Variants in LPP observed in about 807,000 individuals in gnomAD.
The protein encoded by LPP is lipoma-preferred partner.
A neutral mutation model predicts 60.4 loss-of-function variants in LPP; 38 were observed. The observed-to-expected ratio is 0.63, with a 90% CI of 0.49 to 0.83. LPP has a LOEUF of 0.83. Ranked by LOEUF, LPP falls within the 40% of genes least tolerant of loss-of-function variation. LPP has a pLI of 0.00. For missense variants in LPP, 902 were observed against 783.6 expected, an observed-to-expected ratio of 1.15 and a Z score of -1.80; for synonymous variants, 328 against 290.8, an observed-to-expected ratio of 1.13 and a Z score of -1.30.
At chr3:188,511,157 C>T (rs1434520136) in intron 5 of LPP, among the ~76,000 whole-genome samples, 1 of 130,752 alleles carries the variant, frequency 7.6e-6, no homozygotes, top group Non-Finnish European at 1.6e-5. Context: ...ACCTGCCTCC[C>T]TCCCTCCCTC....
chr3:188,742,502 T>C (rs1031380840), intron 8 of LPP, among the ~76,000 whole-genome samples: 2 of 151,870 alleles, frequency 1.3e-5, no homozygotes, highest in African/African-American at 4.8e-5. Context: ...ATGAAAAAAA[T>C]CTTAAAAATA....
chr3:188,560,831 A>C (rs1389866484), intron 6 of LPP, among the ~76,000 whole-genome samples: 1 of 152,076 alleles, frequency 6.6e-6, no homozygotes, highest in African/African-American at 2.4e-5. Flanking sequence ...AATATCTGGG[A>C]GTTTACAAAG....
intron 2 of LPP, among the ~76,000 whole-genome samples, chr3:188,248,495 T>TATATATATATATATATATAC (rs1358563921): frequency 2.2e-5 from 3 of 138,590 alleles, no homozygotes; most frequent in African/African-American, 8.6e-5. Flanking sequence ...TATATATATA[T>TATATATATATATATATATAC]ATACAGTCAG....
chr3:188,788,658 G>T (rs1364383680), intron 9 of LPP, among the ~76,000 whole-genome samples: 1 of 152,112 alleles, frequency 6.6e-6, no homozygotes, highest in East Asian at 1.9e-4. Flanking sequence ...TGACTCTGGG[G>T]CTGTACTGAG....
At chr3:188,649,433 C>G (rs1488592529) in intron 7 of LPP, among the ~76,000 whole-genome samples, 1 of 152,140 alleles carries the variant, frequency 6.6e-6, no homozygotes, top group Non-Finnish European at 1.5e-5. Context: ...GGAGTTGTAT[C>G]CAGACTAGTC....
intron 2 of LPP, among the ~76,000 whole-genome samples, chr3:188,249,205 T>C (rs1728191229): frequency 6.6e-6 from 1 of 151,770 alleles, no homozygotes; most frequent in Admixed American, 6.6e-5. Flanking sequence ...TTGAGTGGAG[T>C]GGTCAACACA....
intron 7 of LPP, among the ~76,000 whole-genome samples, chr3:188,648,703 T>C (rs1254475676): frequency 6.6e-6 from 1 of 152,184 alleles, no homozygotes; most frequent in Non-Finnish European, 1.5e-5. Flanking sequence ...TTGTTTCCAG[T>C]GTTCCTGAGG....
chr3:188,888,960 G>A lies in LPP; in HGVS notation c.*14481G>A, dbSNP rs1301677620. 1.4e-5 allele frequency: 3 copies of A among 217,402 alleles called. No individual in the cohort carries two copies. Among genetic ancestry groups the A allele is most frequent in the South Asian group, 3.7e-4 (2 of 5,364 alleles). The allele number at this position is 217,402 out of a possible 1,614,324, so 13.5% of individuals were successfully genotyped here. On this transcript the variant is annotated 3_prime_UTR_variant, in exon 12 of 12. Transcript: ENST00000617246. Reference sequence around the variant, plus strand: ...CATTGAAACATTTAGGGAAAAAAAAGATGTTTAAGAGAATTAATAGAGCCG... The same window carrying A: ...CATTGAAACATTTAGGGAAAAAAAAAATGTTTAAGAGAATTAATAGAGCCG...
At chr3:188,874,232 G>T in intron 11 of LPP, 119 bp from the exon 12 acceptor site, 1 of 790,820 alleles carries the variant, frequency 1.3e-6, no homozygotes, top group Admixed American at 2.6e-5. Context: ...TGTAAAGCAG[G>T]AAGGATAGTA....
chr3:188,805,083 T>C (rs1264790237), intron 9 of LPP, among the ~76,000 whole-genome samples: 1 of 152,060 alleles, frequency 6.6e-6, no homozygotes, highest in Non-Finnish European at 1.5e-5. Context: ...TTGTGTGTTA[T>C]TGGATTTAAT....
chr3:188,355,116 C>T (rs984418662), intron 3 of LPP, among the ~76,000 whole-genome samples: 2 of 152,162 alleles, frequency 1.3e-5, no homozygotes, highest in Non-Finnish European at 2.9e-5. Context: ...TCAAGCGATT[C>T]TCCTGCCTCA....
intron 9 of LPP, among the ~76,000 whole-genome samples, chr3:188,865,079 A>T (rs900007553): frequency 3.3e-5 from 5 of 152,184 alleles, no homozygotes; most frequent in Admixed American, 1.3e-4. Context: ...TCTTTCTAAT[A>T]AGATCCACAT....
At chr3:188,633,734 G>A (rs983760637) in intron 7 of LPP, among the ~76,000 whole-genome samples, 1 of 152,198 alleles carries the variant, frequency 6.6e-6, no homozygotes, top group Non-Finnish European at 1.5e-5. Flanking sequence ...GGATGTAATT[G>A]AAAGTACATC....
intron 3 of LPP, among the ~76,000 whole-genome samples, chr3:188,384,330 ATG>A (rs61561622): frequency 1.3e-4 from 20 of 148,904 alleles, no homozygotes; most frequent in East Asian, 1.2e-3. Context: ...ATGTATGTGC[ATG>A]TGTGTGTGTG....
chr3:188,494,334 AGTT>A, intron 5 of LPP, among the ~76,000 whole-genome samples: 1 of 152,258 alleles, frequency 6.6e-6, no homozygotes, highest in Middle Eastern at 3.4e-3. Context: ...ATTGATCTCT[AGTT>A]GAATTCTCAA....
chr3:188,351,715 C>T (rs775191941), intron 3 of LPP, among the ~76,000 whole-genome samples: 14 of 152,168 alleles, frequency 9.2e-5, no homozygotes, highest in Admixed American at 5.9e-4. Context: ...GAAAGGCACT[C>T]GGTAGTGGAT....
At position 188,708,448 on chromosome 3, in the gene LPP, C is replaced by T. The variant is rs1403078338; in HGVS notation, c.1240+55C>T. 3.7e-6 allele frequency: 6 copies of T among 1,612,770 alleles called. No individual in the cohort carries two copies. The Admixed American group carries it at 8.3e-5, about 22-fold the overall frequency. On this transcript the variant is annotated intron_variant, in intron 8 of 11. Coordinates refer to ENST00000617246, the MANE Select transcript of LPP (RefSeq NM_001375462.1). The stretch of plus-strand genomic sequence containing the variant: ...GTAACTATCTTGCTCTGATTTCCTT[C>T]CTTAGTAATTGGAACTATTATCAGC...
chr3:188,541,932 T>C (rs1173721392), intron 6 of LPP, among the ~76,000 whole-genome samples: 1 of 151,964 alleles, frequency 6.6e-6, no homozygotes, highest in Non-Finnish European at 1.5e-5. Context: ...CAAATAAAAA[T>C]TGTATAGATT....
At chr3:188,239,224 G>A (rs1473858700) in intron 2 of LPP, among the ~76,000 whole-genome samples, 1 of 152,206 alleles carries the variant, frequency 6.6e-6, no homozygotes, top group East Asian at 1.9e-4. Context: ...TGGGCCCTGG[G>A]TGCAGATGGG....
Sources: gnomAD v4.1 joint callset for allele counts (sites outside exome capture counted in the v4.1 genomes callset) on GRCh38, gnomAD v4.1.1 for gene constraint, MANE v1.5 for transcripts, NCBI Gene and HGNC (gene_info 2026-07-23, HGNC 2026-07-21) for gene names.